The following CSRNP3 variants were observed in gnomAD, a reference collection of about 807,000 sequenced individuals.
The protein encoded by CSRNP3 is cysteine and serine rich nuclear protein 3.
A neutral mutation model predicts 48.0 loss-of-function variants in CSRNP3; 12 were observed. That is an observed-to-expected ratio of 0.25 (90% CI 0.16 to 0.41). The LOEUF is 0.41. Ranked by LOEUF, CSRNP3 falls within the 10% of genes least tolerant of loss-of-function variation. CSRNP3 has a pLI of 1.00. For synonymous variants in CSRNP3, 263 were observed against 269.7 expected (o/e 0.98, Z 0.24); for missense variants, 580 against 724.4 (o/e 0.80, Z 2.29).
chr2:165,670,908 AG>A (rs1367320643), intron 5 of CSRNP3, among the ~76,000 whole-genome samples: 2 of 152,192 alleles, frequency 1.3e-5, no homozygotes, highest in Non-Finnish European at 2.9e-5. Flanking sequence ...TGAAAAAAAA[AG>A]AAAAAGAAAA....
chr2:165,568,490 A>G (rs1340451437), intron 3 of CSRNP3, among the ~76,000 whole-genome samples: 1 of 151,932 alleles, frequency 6.6e-6, no homozygotes, highest in Non-Finnish European at 1.5e-5. Flanking sequence ...ACTACTAGGA[A>G]CTCCCTTTTC....
intron 1 of CSRNP3, among the ~76,000 whole-genome samples, chr2:165,492,927 A>G (rs1684237653): frequency 6.9e-6 from 1 of 144,310 alleles, no homozygotes; most frequent in Non-Finnish European, 1.5e-5. Flanking sequence ...ATGATACTCA[A>G]ATTCCCTAAA....
intron 2 of CSRNP3, among the ~76,000 whole-genome samples, chr2:165,516,655 G>A (rs540699374): frequency 6.6e-6 from 1 of 152,046 alleles, no homozygotes; most frequent in South Asian, 2.1e-4. Context: ...ATTTTTCTGA[G>A]GTTTCTTAAG....
In CSRNP3 at chr2:165,614,100, A is replaced by G. The variant is rs538452193; in HGVS notation, c.148+18887A>G. Among the ~76,000 whole-genome samples the G allele has an allele frequency of 8.9e-4, 136 of 152,164 alleles. 1 individual carries two copies. Among genetic ancestry groups the G allele is most frequent in the South Asian group, 2.9e-3 (14 of 4,824 alleles). On this transcript the variant is annotated intron_variant, in intron 4 of 6. Coordinates refer to ENST00000651982, the MANE Select transcript of CSRNP3 (RefSeq NM_001172173.2). ...TCAGACATTTCTTCAATGTCTTTTC[A>G]TCACACCACTATGCCTCGCTAAGGT...
chr2:165,499,089 C>T (rs1684323977), intron 2 of CSRNP3, among the ~76,000 whole-genome samples: 1 of 152,140 alleles, frequency 6.6e-6, no homozygotes. Context: ...ACAGGCAATA[C>T]ATAAATGATT....
chr2:165,573,334 TAGAAAGATTATG>T (rs1685400593), intron 3 of CSRNP3, among the ~76,000 whole-genome samples: 1 of 152,178 alleles, frequency 6.6e-6, no homozygotes, highest in South Asian at 2.1e-4. Flanking sequence ...GCTTACCATT[TAGAAAGATTATG>T]TGTCTTTATG....
chr2:165,563,930 C>T (rs558904101), intron 3 of CSRNP3, among the ~76,000 whole-genome samples: 107 of 152,154 alleles, frequency 7.0e-4, no homozygotes, highest in South Asian at 6.6e-3. Context: ...ATCTCCCCCG[C>T]TCCCCCCAGA....
chr2:165,537,462 C>T (rs1684896041), intron 3 of CSRNP3, among the ~76,000 whole-genome samples: 1 of 149,518 alleles, frequency 6.7e-6, no homozygotes, highest in African/African-American at 2.5e-5. Context: ...TCTGATCTAT[C>T]AAATCAATGT....
chr2:165,657,681 G>A, intron 4 of CSRNP3, 80 bp from the exon 5 acceptor site: 4 of 1,543,040 alleles, frequency 2.6e-6, no homozygotes, highest in South Asian at 1.2e-5. Context: ...ATAGATTCAA[G>A]ATCACCAAAT....
chr2:165,499,186 T>C (rs763573645), intron 2 of CSRNP3, among the ~76,000 whole-genome samples: 5 of 152,180 alleles, frequency 3.3e-5, no homozygotes, highest in Non-Finnish European at 7.4e-5. Flanking sequence ...CAAAGTACCA[T>C]CATCTTCTAG....
intron 4 of CSRNP3, among the ~76,000 whole-genome samples, chr2:165,608,934 CAAAAAAAA>C (rs33952227): frequency 9.9e-4 from 75 of 75,582 alleles, no homozygotes; most frequent in Non-Finnish European, 1.0e-3. Flanking sequence ...ACTAAAAATA[CAAAAAAAA>C]AAAAAAAAAA....
chr2:165,553,890 A>G (rs1396230280), intron 3 of CSRNP3, among the ~76,000 whole-genome samples: 1 of 152,182 alleles, frequency 6.6e-6, no homozygotes, highest in Non-Finnish European at 1.5e-5. Context: ...TTTACAAATG[A>G]AAAGTTTCCT....
At chr2:165,603,922 T>C (rs1685966706) in intron 4 of CSRNP3, among the ~76,000 whole-genome samples, 1 of 152,206 alleles carries the variant, frequency 6.6e-6, no homozygotes, top group African/African-American at 2.4e-5. Flanking sequence ...GCACCCTTCA[T>C]TCATATTTGT....
At chr2:165,666,180 AAGGAAGGG>A (rs1175922735) in intron 5 of CSRNP3, among the ~76,000 whole-genome samples, 2 of 140,080 alleles carry the variant, frequency 1.4e-5, no homozygotes, top group Non-Finnish European at 3.1e-5. Flanking sequence ...GAAAGGAAGG[AAGGAAGGG>A]AGGAAAGAGA....
At chr2:165,666,002 AT>A (rs1687183329) in intron 5 of CSRNP3, among the ~76,000 whole-genome samples, 3 of 136,758 alleles carry the variant, frequency 2.2e-5, no homozygotes, top group Non-Finnish European at 4.8e-5. Flanking sequence ...GGAAGGAAGG[AT>A]AGAGAGGAAG....
chr2:165,502,203 C>A (rs1684367717), intron 2 of CSRNP3, among the ~76,000 whole-genome samples: 1 of 151,692 alleles, frequency 6.6e-6, no homozygotes, highest in African/African-American at 2.4e-5. Context: ...AACAGCTGAA[C>A]AAATGTATCT....
intron 4 of CSRNP3, among the ~76,000 whole-genome samples, chr2:165,638,676 CA>C (rs1043684308): frequency 1.3e-5 from 2 of 152,160 alleles, no homozygotes; most frequent in Non-Finnish European, 2.9e-5. Flanking sequence ...ATTTGCTAGA[CA>C]GCAAAAATAT....
rs374320879 is a variant in CSRNP3, at chr2:165,513,036, C to T, written c.-112-4837C>T. ...AGGAGAATCGCTTGAACCCAGGAGG[C>T]GGAGGTTGCAGTGAGCCGAGATCCC... On this transcript the variant is annotated intron_variant, in intron 2 of 6. Coordinates refer to ENST00000651982, the MANE Select transcript of CSRNP3 (RefSeq NM_001172173.2). Among the ~76,000 whole-genome samples, 23 of 151,690 alleles carry T rather than the reference C, an allele frequency of 1.5e-4. 1 individual carries two copies. The highest frequency in any genetic ancestry group is 5.6e-4 in the African/African-American group (23 of 41,364).
chr2:165,493,154 G>T (rs1684242255), intron 1 of CSRNP3, among the ~76,000 whole-genome samples: 1 of 151,770 alleles, frequency 6.6e-6, no homozygotes, highest in Admixed American at 6.6e-5. Context: ...AGGTGAGCAT[G>T]ATGTCCATGA....
Sources: allele counts gnomAD v4.1 joint callset (sites outside exome capture counted in the v4.1 genomes callset), GRCh38; gene constraint gnomAD v4.1.1; transcripts MANE v1.5; gene names NCBI Gene and HGNC (gene_info 2026-07-23, HGNC 2026-07-21).